The following FAM72A variants were observed in gnomAD, a reference collection of about 807,000 sequenced individuals.
The protein encoded by FAM72A is regulator of UNG2 and MKLN1 interacting yippee protein 1.
In FAM72A, 1 loss-of-function variant was observed where a neutral mutation model predicts 11.3. That is an observed-to-expected ratio of 0.09 (90% CI 0.03 to 0.42). The LOEUF (loss-of-function observed/expected upper bound fraction) is 0.42, where lower values mean the gene tolerates loss of function less well. Among genes scored for constraint, FAM72A ranks in the 10% least tolerant of loss-of-function variants. The probability of loss-of-function intolerance (pLI) is 0.98; values close to 1 mark genes in which losing one functional copy is unlikely to be tolerated. For synonymous variants in FAM72A, 5 were observed against 46.9 expected (o/e 0.11, Z 3.65); for missense variants, 15 against 135.5 (o/e 0.11, Z 4.41).
In FAM72A at chr1:206,191,721, ATTATT is replaced by A. The variant is rs1285521259; in HGVS notation, c.355+4026_355+4030del. On this transcript the variant is annotated intron_variant, in intron 3 of 3. Transcript: ENST00000367128. ...TGGTAGTGTACTTTCTTACTAAAAT[ATTATT>A]TTTTTTTTTTTTTTTTTTTGAGACA... Among the ~76,000 whole-genome samples the A allele has an allele frequency of 3.9e-3, 387 of 98,770 alleles. 1 individual carries two copies. The highest frequency in any genetic ancestry group is 5.7e-3 in the Non-Finnish European group (300 of 52,762). The allele number at this position is 98,770 out of a possible 152,430, so 64.8% of individuals were successfully genotyped here.
chr1:206,187,382 A>G lies in FAM72A; in HGVS notation c.356-9T>C, dbSNP rs782126734. ...AAGTAGGACGTTTACACCTGAAAAT[A>G]AAAAGTCATAAAATTCTTTAATGCT... On this transcript the variant is annotated splice_polypyrimidine_tract_variant and intron_variant, in intron 3 of 3. Coordinates refer to ENST00000367128, the MANE Select transcript of FAM72A (RefSeq NM_001123168.3). 5.0e-6 allele frequency: 8 copies of G among 1,611,008 alleles called. No homozygotes were observed. In the South Asian group the frequency reaches 8.8e-5, roughly 18 times the overall value.
intron 3 of FAM72A, among the ~76,000 whole-genome samples, chr1:206,189,199 A>C (rs2102374461): frequency 6.6e-6 from 1 of 152,068 alleles, no homozygotes; most frequent in African/African-American, 2.4e-5. Flanking sequence ...AAAATGTTGC[A>C]AATACAGCCC....
chr1:206,202,956 G>A (rs1665459795), upstream of FAM72A: 1 of 150,346 alleles, frequency 6.7e-6, no homozygotes, highest in African/African-American at 2.5e-5. Flanking sequence ...CTCATTGGAA[G>A]GCTCCGGGGC....
At chr1:206,196,867 A>T (rs1665090607) in intron 2 of FAM72A, among the ~76,000 whole-genome samples, 2 of 149,150 alleles carry the variant, frequency 1.3e-5, no homozygotes, top group African/African-American at 2.5e-5. Flanking sequence ...CTAGTACTTT[A>T]AAAAAAATAG....
Position 206,193,221 on chromosome 1 carries a change from C to CT in FAM72A, c.355+2530dup, listed in dbSNP as rs1300128110. Among the ~76,000 whole-genome samples, 123 of 143,650 alleles carry CT rather than the reference C, an allele frequency of 8.6e-4. 1 individual carries two copies. In the East Asian group the frequency reaches 9.0e-3, roughly 11 times the overall value. 94.2% of individuals were successfully genotyped at this position (143,650 alleles called of 152,430 possible). On this transcript the variant is annotated intron_variant, in intron 3 of 3. Transcript: ENST00000367128. ...AGCCACCGCGCCCGGCCTCTTATTC[C>CT]TTTTTTTTTTTCAGATGGAGTTTCA...
At chr1:206,189,518 G>T (rs1283886722) in intron 3 of FAM72A, among the ~76,000 whole-genome samples, 1 of 135,140 alleles carries the variant, frequency 7.4e-6, no homozygotes, top group African/African-American at 3.2e-5. Flanking sequence ...TCATGGAAGA[G>T]CTGACAGGAA....
intron 2 of FAM72A, among the ~76,000 whole-genome samples, chr1:206,197,222 C>T (rs1665113509): frequency 6.6e-6 from 1 of 152,234 alleles, no homozygotes; most frequent in African/African-American, 2.4e-5. Flanking sequence ...GCTCTAGGTG[C>T]TAGGAATACA....
At chr1:206,203,670 T>C, upstream of FAM72A, 1 of 670,240 alleles carries the variant, frequency 1.5e-6, no homozygotes, top group Non-Finnish European at 2.6e-6. Context: ...CCTTCCCTCT[T>C]CCTTTTCTTC....
intron 2 of FAM72A, among the ~76,000 whole-genome samples, chr1:206,198,260 A>C (rs1665173353): frequency 6.7e-6 from 1 of 149,282 alleles, no homozygotes; most frequent in Admixed American, 6.7e-5. Flanking sequence ...GCTACTCAGG[A>C]GGCTGAGGCA....
At chr1:206,203,535 T>C, upstream of FAM72A, 1 of 527,820 alleles carries the variant, frequency 1.9e-6, no homozygotes, top group Non-Finnish European at 3.3e-6. Context: ...TGGCGGAGGC[T>C]CCTCCAGGGA....
At position 206,198,092 on chromosome 1, in the gene FAM72A, G is replaced by A. The variant is rs1401937556; in HGVS notation, c.230+1715C>T. Among the ~76,000 whole-genome samples, 26 of 151,150 alleles carry A rather than the reference G, an allele frequency of 1.7e-4. 1 individual carries two copies. The highest frequency in any genetic ancestry group is 9.7e-4 in the East Asian group (5 of 5,154). ...AAAATTAGCTGGGTGGGCTGGGTGC[G>A]GTGGCTCACGCCTGTAATCCTAGCA... On this transcript the variant is annotated intron_variant, in intron 2 of 3. Coordinates refer to ENST00000367128, the MANE Select transcript of FAM72A (RefSeq NM_001123168.3).
intron 3 of FAM72A, among the ~76,000 whole-genome samples, chr1:206,190,520 G>A (rs1413669492): frequency 6.7e-6 from 1 of 149,282 alleles, no homozygotes; most frequent in Non-Finnish European, 1.5e-5. Flanking sequence ...AGTTCTAAAG[G>A]AGACTAAAAC....
upstream of FAM72A, chr1:206,205,139 C>T (rs1434710521): frequency 2.0e-5 from 3 of 152,196 alleles, 1 homozygote; most frequent in South Asian, 4.1e-4. Context: ...TGGCGGGGCT[C>T]AGGAGGCCGC....
intron 3 of FAM72A, among the ~76,000 whole-genome samples, chr1:206,193,577 T>C (rs1381939251): frequency 6.6e-6 from 1 of 152,194 alleles, no homozygotes; most frequent in Non-Finnish European, 1.5e-5. Flanking sequence ...GAAGTAATAC[T>C]TGGCTTCAAA....
upstream of FAM72A, chr1:206,204,853 C>T (rs1168601958): frequency 7.5e-6 from 1 of 133,830 alleles, no homozygotes; most frequent in African/African-American, 3.2e-5. Context: ...TTCAGCTGAC[C>T]ACATTGTTTT....
intron 3 of FAM72A, among the ~76,000 whole-genome samples, chr1:206,191,724 A>ATT (rs1190560887): frequency 5.5e-4 from 57 of 103,674 alleles, no homozygotes; most frequent in Non-Finnish European, 6.8e-4. Flanking sequence ...CTAAAATATT[A>ATT]TTTTTTTTTT....
chr1:206,192,860 A>G (rs1479402032), intron 3 of FAM72A, among the ~76,000 whole-genome samples: 3 of 150,208 alleles, frequency 2.0e-5, no homozygotes, highest in Non-Finnish European at 3.0e-5. Context: ...AGATCTAGCT[A>G]AGATTATGGA....
At chr1:206,193,586 A>G (rs1553297915) in intron 3 of FAM72A, among the ~76,000 whole-genome samples, 1 of 152,186 alleles carries the variant, frequency 6.6e-6, no homozygotes, top group African/African-American at 2.4e-5. Context: ...CTTGGCTTCA[A>G]AGCTTCAAAG....
At chr1:206,191,937 G>A (rs1350829856) in intron 3 of FAM72A, among the ~76,000 whole-genome samples, 7 of 149,082 alleles carry the variant, frequency 4.7e-5, no homozygotes, top group Non-Finnish European at 1.0e-4. Flanking sequence ...ACCATGCCTG[G>A]CCTTGCTAAA....
Sources: gnomAD v4.1 joint callset for allele counts (sites outside exome capture counted in the v4.1 genomes callset) on GRCh38, gnomAD v4.1.1 for gene constraint, MANE v1.5 for transcripts, NCBI Gene and HGNC (gene_info 2026-07-23, HGNC 2026-07-21) for gene names.